The following DENND4A variants were observed in gnomAD, a reference collection of about 807,000 sequenced individuals.
DENND4A encodes the protein DENN domain containing 4A.
A neutral mutation model predicts 199.3 loss-of-function variants in DENND4A; 70 were observed. The ratio of observed to expected loss-of-function variants is 0.35; its 90% CI spans 0.29 to 0.43. The LOEUF (loss-of-function observed/expected upper bound fraction) is 0.43. DENND4A is among the 20% of genes least tolerant of loss of function. The probability of loss-of-function intolerance (pLI) is 1.00; values close to 1 mark genes in which losing one functional copy is unlikely to be tolerated. For missense variants in DENND4A, 1,723 were observed against 2,255.8 expected (o/e 0.76, Z 4.78); for synonymous variants, 686 against 766.9 (o/e 0.89, Z 1.74).
intron 23 of DENND4A, among the ~76,000 whole-genome samples, chr15:65,681,571 A>ATTTTTTTT (rs1319956178): frequency 7.0e-6 from 1 of 142,350 alleles, no homozygotes; most frequent in Non-Finnish European, 1.5e-5. Context: ...TTGACATTTC[A>ATTTTTTTT]TTTTTTTGTT....
At chr15:65,742,844 A>G (rs900739283) in intron 4 of DENND4A, among the ~76,000 whole-genome samples, 1 of 152,060 alleles carries the variant, frequency 6.6e-6, no homozygotes, top group Non-Finnish European at 1.5e-5. Context: ...TGTTTTCTTC[A>G]CCACTGTACT....
intron 2 of DENND4A, among the ~76,000 whole-genome samples, chr15:65,759,986 T>C (rs2076811325): frequency 6.6e-6 from 1 of 152,188 alleles, no homozygotes; most frequent in Non-Finnish European, 1.5e-5. Flanking sequence ...TGGACACAAC[T>C]CTAGTATTTC....
chr15:65,780,101 G>C (rs2140957746), intron 1 of DENND4A, among the ~76,000 whole-genome samples: 1 of 152,102 alleles, frequency 6.6e-6, no homozygotes, highest in South Asian at 2.1e-4. Flanking sequence ...AGAAGGCAGA[G>C]GTATCAATAA....
In DENND4A at chr15:65,690,919, TTGC is replaced by T; in HGVS notation, c.3672_3674del (p.Gln1225del). On this transcript the variant is annotated inframe_deletion, in exon 23 of 33. Coordinates refer to ENST00000443035, the MANE Select transcript of DENND4A (RefSeq NM_001320835.1). Reference sequence around the variant, plus strand: ...CTTCATCCTCCTCCTCTTCTTCTTTTTGCTGCTGTTCAGTCTCAGCAACCAAAA... The same window carrying T: ...CTTCATCCTCCTCCTCTTCTTCTTTTTGCTGTTCAGTCTCAGCAACCAAAA... 1 of 1,606,178 alleles carries T rather than the reference TTGC, an allele frequency of 6.2e-7. No homozygotes were observed. The highest frequency in any genetic ancestry group is 8.5e-7 in the Non-Finnish European group (1 of 1,175,968).
At chr15:65,691,958 CTT>C (rs767840868) in intron 22 of DENND4A, among the ~76,000 whole-genome samples, 42 of 134,038 alleles carry the variant, frequency 3.1e-4, no homozygotes, top group Admixed American at 4.5e-4. Flanking sequence ...CTGAGTCTTC[CTT>C]TTTTTTTTTT....
At chr15:65,751,048 A>G (rs2076548953) in intron 4 of DENND4A, among the ~76,000 whole-genome samples, 2 of 152,196 alleles carry the variant, frequency 1.3e-5, no homozygotes, top group Admixed American at 1.3e-4. Flanking sequence ...AGAGATGACT[A>G]TGAGACAGAG....
chr15:65,709,792 G>C (rs1337804310), intron 14 of DENND4A, among the ~76,000 whole-genome samples: 1 of 135,842 alleles, frequency 7.4e-6, no homozygotes, highest in African/African-American at 2.8e-5. Context: ...TTATAACAAA[G>C]CAAATACAAG....
intron 24 of DENND4A, among the ~76,000 whole-genome samples, chr15:65,673,683 G>A (rs150134720): frequency 1.3e-3 from 191 of 149,972 alleles, no homozygotes; most frequent in African/African-American, 4.3e-3. Flanking sequence ...TCCCTACCAT[G>A]TAGAGACACC....
At chr15:65,700,921 A>G in intron 19 of DENND4A, 130 bp downstream of exon 19, 1 of 1,065,130 alleles carries the variant, frequency 9.4e-7, no homozygotes, top group Non-Finnish European at 1.3e-6. Context: ...TGGGAAGAGT[A>G]ATATAATTTG....
intron 11 of DENND4A, 74 bp downstream of exon 11, chr15:65,728,998 C>A: frequency 7.3e-7 from 1 of 1,360,874 alleles, no homozygotes; most frequent in Middle Eastern, 2.0e-4. Context: ...ACTTAACAAT[C>A]ATAAAATATA....
chr15:65,724,781 G>A (rs536509308), intron 11 of DENND4A, among the ~76,000 whole-genome samples: 5 of 152,136 alleles, frequency 3.3e-5, no homozygotes, highest in Admixed American at 6.5e-5. Flanking sequence ...TAGTAAGAAC[G>A]CAACATAGAA....
chr15:65,744,271 CTG>C (rs1441612339), intron 4 of DENND4A, among the ~76,000 whole-genome samples: 1 of 152,128 alleles, frequency 6.6e-6, no homozygotes, highest in African/African-American at 2.4e-5. Flanking sequence ...ATGGAGAAGA[CTG>C]TGGATAAAGC....
chr15:65,742,575 T>C (rs1465748761), intron 4 of DENND4A, among the ~76,000 whole-genome samples: 2 of 151,896 alleles, frequency 1.3e-5, no homozygotes, highest in Non-Finnish European at 1.5e-5. Flanking sequence ...TACAGGAACA[T>C]GCCACCATGC....
At chr15:65,757,937 C>T (rs2076753186) in intron 2 of DENND4A, among the ~76,000 whole-genome samples, 1 of 151,934 alleles carries the variant, frequency 6.6e-6, no homozygotes, top group South Asian at 2.1e-4. Flanking sequence ...GCTGAGATCG[C>T]ACCATTGCAC....
rs1336272424 is a variant in DENND4A, at chr15:65,752,210, TCCG to T, written c.561+166_561+168del. On this transcript the variant is annotated intron_variant, in intron 4 of 32. Coordinates refer to ENST00000443035, the MANE Select transcript of DENND4A (RefSeq NM_001320835.1). ...TTTTGAAAGTACAACCAAAGTACTT[TCCG>T]AAAAGTAAAATATCTAATATCTTTA... Among the ~76,000 whole-genome samples the T allele has an allele frequency of 6.5e-5, 9 of 138,824 alleles. No homozygotes were observed. In the East Asian group the frequency reaches 1.9e-3, roughly 30 times the overall value. 91.1% of individuals were successfully genotyped at this position (138,824 alleles called of 152,430 possible).
Position 65,722,943 on chromosome 15 carries a change from C to T in DENND4A, c.1493G>A (p.Gly498Asp). The change falls in exon 12 of 33, where the codon GGT (glycine) becomes GAT (aspartate). Residue 498 changes from glycine (G) to aspartate (D), a missense_variant. Gly to Asp is a moderately conservative substitution (Grantham distance 94). Around this residue, in one of 6 missense-constraint regions of DENND4A, gnomAD observed 725 missense variants for 952.9 expected, o/e 0.76. Transcript: ENST00000443035. ...CTTCCAGGCTACATTTTTCTTGTCA[C>T]CAATTCTAAGATTAAATAACAACAG... The part of the protein sequence containing the change: ...DVDTNTISQI[G>D]DKKNVAWKIL... 1 of 1,602,514 alleles carries T rather than the reference C, an allele frequency of 6.2e-7. No individual in the cohort carries two copies. The highest frequency in any genetic ancestry group is 1.3e-5 in the African/African-American group (1 of 74,488).
Position 65,703,017 on chromosome 15 carries a change from G to GAAAA in DENND4A, c.2088-13_2088-10dup. On this transcript the variant is annotated splice_polypyrimidine_tract_variant and intron_variant, in intron 15 of 32. Coordinates refer to ENST00000443035, the MANE Select transcript of DENND4A (RefSeq NM_001320835.1). ...CTGGAAATCCATTATAGCTGTTTTA[G>GAAAA]AAAAAACAAAACAAAACAAAAAAGA... The GAAAA allele has an allele frequency of 1.2e-6, 2 of 1,606,804 alleles. No homozygotes were observed. Among genetic ancestry groups the GAAAA allele is most frequent in the Non-Finnish European group, 1.7e-6 (2 of 1,177,472 alleles).
chr15:65,754,935 T>A (rs2076661985), intron 3 of DENND4A, among the ~76,000 whole-genome samples: 1 of 152,208 alleles, frequency 6.6e-6, no homozygotes, highest in Non-Finnish European at 1.5e-5. Flanking sequence ...AAAATACATG[T>A]CCACATAAAA....
Position 65,670,112 on chromosome 15 carries a change from G to C in DENND4A, c.4541C>G (p.Thr1514Arg), listed in dbSNP as rs767171709. The part of the protein sequence containing the change: ...VHDEEIMAGW[T>R]ADDSNLNTTC... The stretch of plus-strand genomic sequence containing the variant: ...AGTATTGAGATTTGAATCATCTGCT[G>C]TCCAGCCAGCCATGATTTCCTCATC... Residue 1514 changes from threonine to arginine, a missense_variant, in exon 26 of 33, where the codon ACA becomes AGA. Physicochemically the swap from Thr to Arg is moderately conservative, Grantham distance 71 (BLOSUM62 -1). This residue lies in a region of DENND4A where 7 missense variants were observed against 28.4 expected (regional missense o/e 0.25). Coordinates refer to ENST00000443035, the MANE Select transcript of DENND4A (RefSeq NM_001320835.1). The C allele has an allele frequency of 6.2e-6, 10 of 1,602,204 alleles. No individual in the cohort carries two copies. In the Admixed American group the frequency reaches 1.7e-4, roughly 27 times the overall value.
Sources: gnomAD v4.1 joint callset for allele counts (sites outside exome capture counted in the v4.1 genomes callset) on GRCh38, gnomAD v4.1.1 for gene constraint, gnomAD v4.1.1 regional missense constraint, MANE v1.5 for transcripts, NCBI Gene and HGNC (gene_info 2026-07-23, HGNC 2026-07-21) for gene names.